Variants in USP35 observed in about 807,000 individuals in gnomAD.
USP35 encodes the protein ubiquitin specific peptidase 35.
USP35 carries 69 observed loss-of-function variants against 83.8 expected under a neutral mutation model. The observed-to-expected ratio is 0.82, with a 90% confidence interval of 0.68 to 1.01. The LOEUF is 1.01. Ranked by LOEUF, USP35 falls within the 50% of genes least tolerant of loss-of-function variation. USP35 has a pLI of 0.00. For missense variants in USP35, 1,503 were observed against 1,362.5 expected (o/e 1.10, Z -1.62); for synonymous variants, 714 against 589.5 (o/e 1.21, Z -3.06).
chr11:78,209,369 G>A (rs1249301589), intron 9 of USP35, 79 bp from the exon 10 acceptor site: 2 of 1,426,016 alleles, frequency 1.4e-6, no homozygotes, highest in Non-Finnish European at 1.9e-6. Context: ...GTTGGGGAAG[G>A]TAAATGGGCA....
At chr11:78,202,136 G>A (rs1185841683) in intron 6 of USP35, among the ~76,000 whole-genome samples, 1 of 152,168 alleles carries the variant, frequency 6.6e-6, no homozygotes, top group East Asian at 1.9e-4. Context: ...CTGGAGTGAG[G>A]CAAGTGCGTG....
intron 1 of USP35, among the ~76,000 whole-genome samples, chr11:78,195,640 G>C (rs1863119908): frequency 6.6e-6 from 1 of 152,224 alleles, no homozygotes; most frequent in Non-Finnish European, 1.5e-5. Flanking sequence ...TCACCAGGGA[G>C]GTCTGGGGAG....
At position 78,210,168 on chromosome 11, in the gene USP35, C is replaced by T. The variant is rs200630605; in HGVS notation, c.2313C>T (p.Pro771=). The change falls in exon 10 of 11, where the codon CCC becomes CCT. Residue 771 remains proline (P), a synonymous_variant. Transcript: ENST00000529308. ...ACCTGGTTAACTACTTCCTGTCCCC[C>T]GAGAAGCTGACAGCAGAAAACCGCT... is the stretch of plus-strand genomic sequence containing the variant. ...VLDLVNYFLS[P]EKLTAENRYY... The T allele has an allele frequency of 4.6e-5, 75 of 1,613,708 alleles. No homozygotes were observed. Among genetic ancestry groups the T allele is most frequent in the South Asian group, 6.6e-5 (6 of 91,062 alleles).
intron 6 of USP35, among the ~76,000 whole-genome samples, chr11:78,202,884 T>C (rs899903260): frequency 2.0e-5 from 3 of 152,178 alleles, no homozygotes; most frequent in African/African-American, 7.2e-5. Flanking sequence ...AACAGTGAGC[T>C]TCTGTGGGCA....
At chr11:78,231,669 G>A in the USP35 span, 1 of 152,114 alleles carries the variant, frequency 6.6e-6, no homozygotes, top group African/African-American at 2.4e-5. Flanking sequence ...TTTAAAAATG[G>A]TTTTCTAGTT....
chr11:78,214,998 G>A lies in USP35; in HGVS notation c.*1185G>A, dbSNP rs1053211113. On this transcript the variant is annotated 3_prime_UTR_variant, in exon 11 of 11. Transcript: ENST00000529308. ...CCCAGGGGCTGCCTGCTGTGATGGTGGTGTGGAGTTTGGGCCCAATGTCAC... is the reference window on the plus strand; with the variant it reads ...CCCAGGGGCTGCCTGCTGTGATGGTAGTGTGGAGTTTGGGCCCAATGTCAC... Among the ~76,000 whole-genome samples, 2 of 152,122 alleles carry A rather than the reference G, an allele frequency of 1.3e-5. No homozygotes were observed. Among genetic ancestry groups the A allele is most frequent in the African/African-American group, 4.8e-5 (2 of 41,420 alleles).
intron 7 of USP35, 96 bp downstream of exon 7, chr11:78,206,131 G>A: frequency 1.4e-6 from 2 of 1,425,430 alleles, no homozygotes; most frequent in Non-Finnish European, 1.9e-6. Flanking sequence ...GGGTTGGAGA[G>A]GGTGGGCCTT....
the USP35 span, chr11:78,231,863 G>A: frequency 6.6e-6 from 1 of 152,232 alleles, no homozygotes; most frequent in Non-Finnish European, 1.5e-5. Flanking sequence ...TAAAATGCTT[G>A]TAAGTAGATT....
At chr11:78,192,902 CTCTT>C (rs1863045081) in intron 1 of USP35, among the ~76,000 whole-genome samples, 1 of 152,190 alleles carries the variant, frequency 6.6e-6, no homozygotes, top group African/African-American at 2.4e-5. Context: ...CTTTCTAGTA[CTCTT>C]TCTACTACCA....
At chr11:78,194,999 C>T (rs1186266871) in intron 1 of USP35, among the ~76,000 whole-genome samples, 1 of 152,158 alleles carries the variant, frequency 6.6e-6, no homozygotes, top group Non-Finnish European at 1.5e-5. Flanking sequence ...CAGCTGAGGT[C>T]TGCAGGGGGA....
chr11:78,197,721 C>T (rs1785008262), intron 2 of USP35, among the ~76,000 whole-genome samples: 1 of 152,242 alleles, frequency 6.6e-6, no homozygotes, highest in African/African-American at 2.4e-5. Context: ...TCGTCTGTGG[C>T]CAGCACAGGA....
chr11:78,226,519 T>G, the USP35 span: 1 of 1,596,740 alleles, frequency 6.3e-7, no homozygotes, highest in Non-Finnish European at 8.5e-7. Flanking sequence ...CTGGGGATGG[T>G]GGCAGCGACA....
chr11:78,207,873 C>T (rs935367398), intron 8 of USP35, among the ~76,000 whole-genome samples: 3 of 152,236 alleles, frequency 2.0e-5, no homozygotes, highest in South Asian at 2.1e-4. Flanking sequence ...GTCCATCCAT[C>T]GCATTATGGT....
rs199551562 is a variant in USP35 at position 78,205,718 on chromosome 11, G to T, written c.1198-124G>T. On this transcript the variant is annotated intron_variant, in intron 6 of 10. Coordinates refer to ENST00000529308, the MANE Select transcript of USP35 (RefSeq NM_020798.4). Reference sequence around the variant, plus strand: ...TTCACACACACCCCAGAACATCTGTGGGGGGGTGTGCCTGGGAGGCCTTGG... The same window carrying T: ...TTCACACACACCCCAGAACATCTGTTGGGGGGTGTGCCTGGGAGGCCTTGG... 962 of 1,001,804 alleles carry T rather than the reference G, an allele frequency of 9.6e-4. 12 individuals carry two copies. In the East Asian group the frequency reaches 0.023, roughly 24 times the overall value. 62.1% of individuals were successfully genotyped at this position (1,001,804 alleles called of 1,614,324 possible). A position where few individuals can be genotyped will look rare whatever the true frequency, so the allele number is the denominator to read the frequency against.
chr11:78,218,473 CT>C (rs1212836477), downstream of USP35: 2 of 152,540 alleles, frequency 1.3e-5, no homozygotes, highest in African/African-American at 4.8e-5. Context: ...CTCCAGAGTT[CT>C]GGGGACCCAG....
At chr11:78,234,614 T>C in the USP35 span, among the ~76,000 whole-genome samples, 2 of 148,580 alleles carry the variant, frequency 1.3e-5, no homozygotes, top group Non-Finnish European at 3.0e-5. Flanking sequence ...TTTATTTATA[T>C]ATGCATTTAA....
chr11:78,198,698 G>T, intron 3 of USP35: 1 of 985,372 alleles, frequency 1.0e-6, no homozygotes. Context: ...CCTTTAGTGG[G>T]TAAGAGTGTG....
chr11:78,199,673 T>G lies in USP35; in HGVS notation c.885T>G (p.Ala295=), dbSNP rs1418434280. Residue 295 remains alanine, a synonymous_variant, in exon 4 of 11, where the codon GCT becomes GCG. Transcript: ENST00000529308. ...TTGCACTGCTGAAGGGCCTGGCTGC[T>G]GTTAAGAAGTTCAGCATCTTGATCG... The part of the protein sequence containing the change: ...WIIALLKGLA[A]VKKFSILIEV... 2 of 1,614,124 alleles carry G rather than the reference T, an allele frequency of 1.2e-6. No individual in the cohort carries two copies. The highest frequency in any genetic ancestry group is 1.7e-5 in the Admixed American group (1 of 60,008).
chr11:78,205,944 G>A lies in USP35; in HGVS notation c.1300G>A (p.Ala434Thr). 1 of 1,614,262 alleles carries A rather than the reference G, an allele frequency of 6.2e-7. No individual in the cohort carries two copies. Among genetic ancestry groups the A allele is most frequent in the Non-Finnish European group, 8.5e-7 (1 of 1,180,044 alleles). Residue 434 changes from alanine to threonine, a missense_variant, in exon 7 of 11, where the codon GCC becomes ACC. Ala to Thr is a moderately conservative substitution (Grantham distance 58). Transcript: ENST00000529308. ...GGCGGGTTTCTATCCCCGGCTCATG[G>A]CCAAGTCAGACACGGGCAAGATTGG... is the stretch of plus-strand genomic sequence containing the variant. Reference protein sequence around the residue: ...ELAGFYPRLMAKSDTGKIGLI... With the variant: ...ELAGFYPRLMTKSDTGKIGLI...
Sources: allele counts gnomAD v4.1 joint callset (sites outside exome capture counted in the v4.1 genomes callset), GRCh38; gene constraint gnomAD v4.1.1; transcripts MANE v1.5; gene names NCBI Gene and HGNC (gene_info 2026-07-23, HGNC 2026-07-21).